Variants in FOXO1 observed in about 807,000 individuals in gnomAD.
The protein encoded by FOXO1 is forkhead box protein O1.
In FOXO1, 6 loss-of-function variants were observed where a neutral mutation model predicts 44.1. The ratio of observed to expected loss-of-function variants is 0.14; its 90% CI spans 0.07 to 0.27. FOXO1 has a LOEUF of 0.27. FOXO1 is among the 10% of genes least tolerant of loss of function. FOXO1 has a pLI of 1.00. For missense variants in FOXO1, 737 were observed against 888.8 expected, an observed-to-expected ratio of 0.83 and a Z score of 2.17; for synonymous variants, 380 against 362.7, an observed-to-expected ratio of 1.05 and a Z score of -0.54.
intron 1 of FOXO1, among the ~76,000 whole-genome samples, chr13:40,622,840 G>C (rs919760393): frequency 6.6e-6 from 1 of 152,020 alleles, no homozygotes; most frequent in Non-Finnish European, 1.5e-5. Flanking sequence ...ATTCCCTAAG[G>C]ATCACTATAA....
At chr13:40,581,238 C>T (rs1377664774) in intron 1 of FOXO1, among the ~76,000 whole-genome samples, 1 of 152,150 alleles carries the variant, frequency 6.6e-6, no homozygotes, top group South Asian at 2.1e-4. Context: ...AAAAGGGGAG[C>T]GAGCACAAAC....
At chr13:40,583,536 TAA>T (rs1007349476) in intron 1 of FOXO1, among the ~76,000 whole-genome samples, 7 of 152,244 alleles carry the variant, frequency 4.6e-5, no homozygotes, top group African/African-American at 1.4e-4. Context: ...ATCTTCTGGA[TAA>T]CTTGCTGCTC....
intron 1 of FOXO1, chr13:40,620,318 A>C: frequency 1.1e-6 from 1 of 888,320 alleles, no homozygotes; most frequent in Non-Finnish European, 1.9e-6. Flanking sequence ...CAGAACATAC[A>C]GTCACTATTC....
intron 1 of FOXO1, among the ~76,000 whole-genome samples, chr13:40,649,545 C>T (rs984547309): frequency 3.3e-5 from 5 of 152,074 alleles, no homozygotes; most frequent in Non-Finnish European, 7.4e-5. Flanking sequence ...AAAATGTGTC[C>T]CTATTTTCAT....
chr13:40,617,290 A>G (rs1480314186), intron 1 of FOXO1, among the ~76,000 whole-genome samples: 2 of 152,222 alleles, frequency 1.3e-5, no homozygotes, highest in African/African-American at 4.8e-5. Flanking sequence ...TACTAAAAAT[A>G]CAAAATTAGC....
At chr13:40,646,640 G>C (rs9549247) in intron 1 of FOXO1, among the ~76,000 whole-genome samples, 62,855 of 151,964 alleles carry the variant, frequency 0.41, 14,236 homozygotes, top group East Asian at 0.73. Context: ...TGTCTCCAGG[G>C]TGGAGTGCAG....
At chr13:40,623,037 C>G (rs1876667672) in intron 1 of FOXO1, among the ~76,000 whole-genome samples, 1 of 152,010 alleles carries the variant, frequency 6.6e-6, no homozygotes, top group Non-Finnish European at 1.5e-5. Flanking sequence ...GAATCAATTC[C>G]TTTTATCAAA....
chr13:40,556,465 A>C lies in FOXO1; in HGVS notation c.*2584T>G, dbSNP rs550249101. The C allele has an allele frequency of 3.1e-4, 48 of 152,800 alleles. No individual in the cohort carries two copies. The highest frequency in any genetic ancestry group is 1.0e-3 in the Admixed American group (16 of 15,314). 9.5% of individuals were successfully genotyped at this position (152,800 alleles called of 1,614,324 possible). A position where few individuals can be genotyped will look rare whatever the true frequency, so the allele number is the denominator to read the frequency against. ...ATAACAGTACAAACCAGAGAAAATAAATCAAACAAGGCTGCATAGGTGATA... is the reference window on the plus strand; with the variant it reads ...ATAACAGTACAAACCAGAGAAAATACATCAAACAAGGCTGCATAGGTGATA... On this transcript the variant is annotated 3_prime_UTR_variant, in exon 3 of 3. Transcript: ENST00000379561.
At chr13:40,619,103 G>A (rs1876520742) in intron 1 of FOXO1, 1 of 397,190 alleles carries the variant, frequency 2.5e-6, no homozygotes, top group Non-Finnish European at 4.8e-6. Context: ...GGCCAACATG[G>A]TGAAACCCCA....
intron 1 of FOXO1, among the ~76,000 whole-genome samples, chr13:40,627,817 A>T (rs1876834061): frequency 1.3e-5 from 2 of 150,734 alleles, no homozygotes; most frequent in African/African-American, 4.9e-5. Context: ...TGGGCAACAG[A>T]GTGATACTCC....
intron 1 of FOXO1, among the ~76,000 whole-genome samples, chr13:40,611,764 G>A (rs1353357645): frequency 1.3e-5 from 2 of 152,138 alleles, no homozygotes; most frequent in Admixed American, 1.3e-4. Flanking sequence ...ACTGTCAACA[G>A]TAAAATGTAA....
At position 40,584,076 on chromosome 13, in the gene FOXO1, G is replaced by C. The variant is rs183137347; in HGVS notation, c.631-23216C>G. ...CTCAGGGATAGGGAACCCTGAAGAG[G>C]GGGAGACAGATGGGGAATGGCAGGT... On this transcript the variant is annotated intron_variant, in intron 1 of 2. Transcript: ENST00000379561. Among the ~76,000 whole-genome samples the C allele has an allele frequency of 6.6e-5, 10 of 152,196 alleles. No homozygotes were observed. The East Asian group carries it at 1.9e-3, about 29-fold the overall frequency.
At chr13:40,574,772 T>C (rs1036090411) in intron 1 of FOXO1, among the ~76,000 whole-genome samples, 2 of 152,058 alleles carry the variant, frequency 1.3e-5, no homozygotes, top group African/African-American at 4.8e-5. Context: ...AGAACTGCTG[T>C]TGACTGAACA....
chr13:40,626,103 C>G (rs1876777776), intron 1 of FOXO1, among the ~76,000 whole-genome samples: 1 of 152,132 alleles, frequency 6.6e-6, no homozygotes, highest in Admixed American at 6.5e-5. Flanking sequence ...AGGTGTGAAC[C>G]ACCATGCCCA....
intron 1 of FOXO1, among the ~76,000 whole-genome samples, chr13:40,659,607 G>C (rs1877974119): frequency 6.6e-6 from 1 of 151,670 alleles, no homozygotes; most frequent in Non-Finnish European, 1.5e-5. Flanking sequence ...AGTAGTATTT[G>C]ACTTAATATC....
intron 1 of FOXO1, among the ~76,000 whole-genome samples, chr13:40,578,904 G>A (rs539238645): frequency 6.6e-5 from 10 of 152,226 alleles, no homozygotes; most frequent in African/African-American, 1.9e-4. Flanking sequence ...CTTTGCCCGC[G>A]CTTCTTGACA....
intron 1 of FOXO1, among the ~76,000 whole-genome samples, chr13:40,645,267 T>G (rs1458530742): frequency 6.6e-6 from 1 of 152,226 alleles, no homozygotes; most frequent in East Asian, 1.9e-4. Context: ...CCTTCCCTGC[T>G]CATTTTAAAG....
chr13:40,662,407 A>C (rs1878067625), intron 1 of FOXO1, among the ~76,000 whole-genome samples: 1 of 152,114 alleles, frequency 6.6e-6, no homozygotes, highest in South Asian at 2.1e-4. Flanking sequence ...TATGTGAAAA[A>C]ACAGGTCATG....
chr13:40,628,356 TACACACACAC>T (rs34314244), intron 1 of FOXO1, among the ~76,000 whole-genome samples: 9 of 145,302 alleles, frequency 6.2e-5, no homozygotes, highest in East Asian at 2.0e-4. Context: ...AAGAGCTGTT[TACACACACAC>T]ACACACACAC....
Sources: gnomAD v4.1 joint callset for allele counts (sites outside exome capture counted in the v4.1 genomes callset) on GRCh38, gnomAD v4.1.1 for gene constraint, MANE v1.5 for transcripts, NCBI Gene and HGNC (gene_info 2026-07-23, HGNC 2026-07-21) for gene names.